Variants in PRKCB observed in about 807,000 individuals in gnomAD.
The protein encoded by PRKCB is protein kinase C beta type.
A neutral mutation model predicts 81.5 loss-of-function variants in PRKCB; 13 were observed. That is an observed-to-expected ratio of 0.16 (90% CI 0.10 to 0.25). PRKCB has a LOEUF of 0.25. Among genes scored for constraint, PRKCB ranks in the 10% least tolerant of loss-of-function variants. The pLI is 1.00. For missense variants in PRKCB, 509 were observed against 875.7 expected (o/e 0.58, Z 5.29); for synonymous variants, 335 against 321.4 (o/e 1.04, Z -0.45).
chr16:24,162,388 C>T (rs1967270877), intron 10 of PRKCB, among the ~76,000 whole-genome samples: 1 of 151,690 alleles, frequency 6.6e-6, no homozygotes, highest in East Asian at 1.9e-4. Flanking sequence ...CAGAACACCC[C>T]TTCCCCTGCC....
chr16:24,005,952 A>C (rs1219770197), intron 3 of PRKCB, among the ~76,000 whole-genome samples: 2 of 152,236 alleles, frequency 1.3e-5, no homozygotes, highest in Admixed American at 6.5e-5. Context: ...ATGAGGGTTG[A>C]ACATCTCTCT....
At chr16:24,155,785 T>C (rs184005425) in intron 10 of PRKCB, among the ~76,000 whole-genome samples, 1 of 152,358 alleles carries the variant, frequency 6.6e-6, no homozygotes, top group East Asian at 1.9e-4. Context: ...TATTATCTGC[T>C]GAAGATATCC....
chr16:24,057,528 G>T (rs1399050226), intron 5 of PRKCB, among the ~76,000 whole-genome samples: 1 of 152,132 alleles, frequency 6.6e-6, no homozygotes, highest in Non-Finnish European at 1.5e-5. Context: ...ATACTGGATG[G>T]CTGTAGGAAT....
At chr16:23,860,861 G>A (rs62030650) in intron 2 of PRKCB, among the ~76,000 whole-genome samples, 2,760 of 152,200 alleles carry the variant, frequency 0.018, 36 homozygotes, top group South Asian at 0.041. Context: ...AGCCAAGATC[G>A]CGCTACTGTA....
intron 5 of PRKCB, among the ~76,000 whole-genome samples, chr16:24,043,543 T>G (rs1418767837): frequency 6.6e-6 from 1 of 152,040 alleles, no homozygotes; most frequent in Non-Finnish European, 1.5e-5. Context: ...AGGGGAAGGG[T>G]CTCTTGCCCA....
intron 3 of PRKCB, among the ~76,000 whole-genome samples, chr16:24,021,293 C>CCCTT (rs1157671937): frequency 0.038 from 694 of 18,266 alleles, 31 homozygotes; most frequent in Non-Finnish European, 0.052. Context: ...CCCTCTCCCT[C>CCCTT]CCTTCCTTCC....
chr16:24,113,862 A>G (rs1177216513), intron 8 of PRKCB, among the ~76,000 whole-genome samples: 8 of 152,056 alleles, frequency 5.3e-5, no homozygotes, highest in East Asian at 3.9e-4. Context: ...AAAAGTGCTC[A>G]TTCACTGCCC....
chr16:23,938,835 G>A (rs1160634279), intron 2 of PRKCB, among the ~76,000 whole-genome samples: 2 of 152,112 alleles, frequency 1.3e-5, no homozygotes. Flanking sequence ...GTTCAACATA[G>A]TGCTGTATGT....
Position 23,988,531 on chromosome 16 carries a change from C to T in PRKCB, c.229C>T (p.Arg77Trp), listed in dbSNP as rs1420866853. Reference sequence around the variant, plus strand: ...AGTTTGCTGCTTTGTGGTGCACAAGCGGTGCCATGAATTTGTCACATTCTC... The same window carrying T: ...AGTTTGCTGCTTTGTGGTGCACAAGTGGTGCCATGAATTTGTCACATTCTC... Reference protein sequence around the residue: ...CQVCCFVVHKRCHEFVTFSCP... With the variant: ...CQVCCFVVHKWCHEFVTFSCP... The change falls in exon 3 of 17, where the codon CGG (arginine) becomes TGG (tryptophan). Residue 77 changes from arginine (R) to tryptophan (W), a missense_variant. Around this residue, in one of 6 missense-constraint regions of PRKCB, gnomAD observed 184 missense variants for 362.9 expected, o/e 0.51. Coordinates refer to ENST00000643927, the MANE Select transcript of PRKCB (RefSeq NM_002738.7). 1 of 1,614,058 alleles carries T rather than the reference C, an allele frequency of 6.2e-7. No individual in the cohort carries two copies. Among genetic ancestry groups the T allele is most frequent in the Non-Finnish European group, 8.5e-7 (1 of 1,179,964 alleles).
chr16:24,030,368 A>G (rs975249951), intron 3 of PRKCB, among the ~76,000 whole-genome samples: 9 of 149,358 alleles, frequency 6.0e-5, no homozygotes, highest in African/African-American at 9.8e-5. Flanking sequence ...GAGAATGTAC[A>G]TAGTATGTGT....
chr16:24,074,134 C>T (rs79808794), intron 5 of PRKCB, among the ~76,000 whole-genome samples: 1 of 130,478 alleles, frequency 7.7e-6, no homozygotes. Flanking sequence ...GACTCCATCT[C>T]AAAAAAAAAA....
chr16:23,957,995 A>C (rs1441003353), intron 2 of PRKCB, among the ~76,000 whole-genome samples: 3 of 152,146 alleles, frequency 2.0e-5, no homozygotes, highest in African/African-American at 7.2e-5. Flanking sequence ...TTATTATGTT[A>C]TCCTATTAAT....
chr16:23,875,239 A>G (rs945798022), intron 2 of PRKCB, among the ~76,000 whole-genome samples: 3 of 151,252 alleles, frequency 2.0e-5, no homozygotes, highest in African/African-American at 7.3e-5. Context: ...AGGTCTCACT[A>G]TGTTGCCCAG....
At chr16:23,923,345 A>G (rs1054092513) in intron 2 of PRKCB, among the ~76,000 whole-genome samples, 7 of 151,986 alleles carry the variant, frequency 4.6e-5, no homozygotes, top group Non-Finnish European at 7.4e-5. Context: ...TGAGATGGCT[A>G]TGGAAGCTCT....
intron 9 of PRKCB, among the ~76,000 whole-genome samples, chr16:24,150,959 T>C (rs926821766): frequency 1.3e-5 from 2 of 152,228 alleles, no homozygotes. Context: ...CACACACCCC[T>C]GTTTATTGAT....
chr16:24,115,197 T>C lies in PRKCB; in HGVS notation c.918+2128T>C, dbSNP rs116186311. On this transcript the variant is annotated intron_variant, in intron 8 of 16. Coordinates refer to ENST00000643927, the MANE Select transcript of PRKCB (RefSeq NM_002738.7). Reference sequence around the variant, plus strand: ...GCTGTGCTGGCCTTGACAAGGATTTTAGCATTTATCCCAAGAGTATTTATC... The same window carrying C: ...GCTGTGCTGGCCTTGACAAGGATTTCAGCATTTATCCCAAGAGTATTTATC... 9.0e-3 allele frequency among the ~76,000 whole-genome samples: 1,356 copies of C among 151,338 alleles called. 30 individuals are homozygous for C. Among genetic ancestry groups the C allele is most frequent in the African/African-American group, 0.031 (1,289 of 41,420 alleles).
intron 3 of PRKCB, among the ~76,000 whole-genome samples, chr16:24,005,979 T>TG (rs970732011): frequency 5.9e-5 from 9 of 152,248 alleles, no homozygotes; most frequent in African/African-American, 2.2e-4. Flanking sequence ...GACCATCACC[T>TG]GGACCAAAAG....
At chr16:24,158,541 A>ATATGTATATGTATAAGTATAT (rs1567395933) in intron 10 of PRKCB, among the ~76,000 whole-genome samples, 1 of 105,668 alleles carries the variant, frequency 9.5e-6, no homozygotes, top group Non-Finnish European at 2.0e-5. Context: ...TATATGTATA[A>ATATGTATATGTATAAGTATAT]GTATATGTAT....
chr16:24,207,388 T>C (rs1429788372), intron 16 of PRKCB, among the ~76,000 whole-genome samples: 1 of 152,168 alleles, frequency 6.6e-6, no homozygotes, highest in Non-Finnish European at 1.5e-5. Flanking sequence ...TTTTAAAATA[T>C]AATCAAGCAT....
Sources: gnomAD v4.1 joint callset for allele counts (sites outside exome capture counted in the v4.1 genomes callset) on GRCh38, gnomAD v4.1.1 for gene constraint, gnomAD v4.1.1 regional missense constraint, MANE v1.5 for transcripts, NCBI Gene and HGNC (gene_info 2026-07-23, HGNC 2026-07-21) for gene names.